TDRD9: variants seen among roughly 807,000 people sequenced by gnomAD.
TDRD9 encodes tudor domain containing 9.
TDRD9 carries 124 observed loss-of-function variants against 172.6 expected under a neutral mutation model. That is an observed-to-expected ratio of 0.72 (90% CI 0.62 to 0.83). The LOEUF (loss-of-function observed/expected upper bound fraction) is 0.83. Among genes scored for constraint, TDRD9 ranks in the 40% least tolerant of loss-of-function variants. TDRD9 has a pLI of 0.00. For synonymous variants in TDRD9, 619 were observed against 617.1 expected (o/e 1.00, Z -0.05); for missense variants, 1,479 against 1,714.1 (o/e 0.86, Z 2.42).
At chr14:104,051,323 G>A (rs773324232) in intron 35 of TDRD9, among the ~76,000 whole-genome samples, 2 of 152,124 alleles carry the variant, frequency 1.3e-5, no homozygotes, top group African/African-American at 4.8e-5. Flanking sequence ...TGGTATGTGT[G>A]TACCACATCT....
intron 30 of TDRD9, among the ~76,000 whole-genome samples, chr14:104,032,308 G>A (rs945559327): frequency 1.3e-5 from 2 of 152,112 alleles, no homozygotes; most frequent in African/African-American, 4.8e-5. Context: ...CCAGATTCAA[G>A]CAATTCTCCT....
In TDRD9 at chr14:103,980,054, T is replaced by A. The variant is rs1248829439; in HGVS notation, c.1011+4501T>A. Among the ~76,000 whole-genome samples the A allele has an allele frequency of 2.6e-5, 4 of 151,948 alleles. No homozygotes were observed. The highest frequency in any genetic ancestry group is 9.7e-5 in the African/African-American group (4 of 41,322). On this transcript the variant is annotated intron_variant, in intron 7 of 35. Transcript: ENST00000409874. This position sits in a 1 kb window ranked among gnomAD's most constrained non-coding sequence, Gnocchi z 4.5. ...CCATGCTTGGCTAATTAAAAAAAAT[T>A]TTTTTGTGGAGATAGGGTCTTGCTA...
Position 103,994,399 on chromosome 14 carries a change from T to C in TDRD9, c.1235+13T>C. The C allele has an allele frequency of 6.2e-7, 1 of 1,612,476 alleles. No homozygotes were observed. Among genetic ancestry groups the C allele is most frequent in the Non-Finnish European group, 8.5e-7 (1 of 1,178,570 alleles). On this transcript the variant is annotated intron_variant, in intron 10 of 35. Coordinates refer to ENST00000409874, the MANE Select transcript of TDRD9 (RefSeq NM_153046.3). ...TGGTTCATAAAAGGTATGTTGAAAA[T>C]GATACAGCTGTATTCTTCTAAGCCA...
At chr14:104,005,253 C>T (rs1352984570) in intron 14 of TDRD9, 21 bp from the exon 15 acceptor site, 2 of 1,612,876 alleles carry the variant, frequency 1.2e-6, no homozygotes, top group African/African-American at 2.7e-5. Context: ...TATTTCTAAT[C>T]TCAGGCTTGT....
chr14:104,021,710 T>TA (rs1452680776), intron 23 of TDRD9, among the ~76,000 whole-genome samples: 2 of 151,924 alleles, frequency 1.3e-5, no homozygotes, highest in Non-Finnish European at 2.9e-5. Flanking sequence ...TAAATAAAAA[T>TA]AAATTTAATG....
At chr14:104,027,032 C>T (rs1423098255) in intron 28 of TDRD9, 93 bp downstream of exon 28, 25 of 1,356,514 alleles carry the variant, frequency 1.8e-5, no homozygotes, top group African/African-American at 7.2e-5. Context: ...TAGGAGGAGG[C>T]GGACAGTGTT....
chr14:103,980,731 C>T lies in TDRD9; in HGVS notation c.1011+5178C>T, dbSNP rs1190989894. ...CTGAGTAGCGGGTGTTTTTCCTTGA[C>T]ACTGACGCTACCACTAGACCACGGC... On this transcript the variant is annotated intron_variant, in intron 7 of 35. Coordinates refer to ENST00000409874, the MANE Select transcript of TDRD9 (RefSeq NM_153046.3). The surrounding 1 kb of genome is among the most constrained non-coding windows in gnomAD (Gnocchi z 4.5). Among the ~76,000 whole-genome samples, 1 of 152,102 alleles carries T rather than the reference C, an allele frequency of 6.6e-6. No individual in the cohort carries two copies. The highest frequency in any genetic ancestry group is 6.5e-5 in the Admixed American group (1 of 15,274).
intron 32 of TDRD9, among the ~76,000 whole-genome samples, chr14:104,035,702 A>G (rs2035430765): frequency 1.3e-5 from 2 of 152,342 alleles, no homozygotes; most frequent in South Asian, 4.1e-4. Context: ...GGGTGGCTAG[A>G]AAAGGAGTAA....
chr14:104,037,167 G>T (rs1426155227), intron 32 of TDRD9, among the ~76,000 whole-genome samples: 2 of 151,894 alleles, frequency 1.3e-5, no homozygotes, highest in Non-Finnish European at 1.5e-5. Context: ...GAGCAGGAGG[G>T]GGGTCTTCAG....
chr14:103,957,094 A>G (rs4906391), intron 2 of TDRD9, among the ~76,000 whole-genome samples: 65,625 of 151,986 alleles, frequency 0.43, 14,397 homozygotes, highest in Admixed American at 0.51. Context: ...GGATTGATTT[A>G]GGCTTCTTGA....
At chr14:103,932,686 C>T (rs544640630) in intron 1 of TDRD9, among the ~76,000 whole-genome samples, 2 of 148,554 alleles carry the variant, frequency 1.3e-5, no homozygotes, top group South Asian at 2.2e-4. Flanking sequence ...TGCGCCCGGC[C>T]GGGAGGGATG....
intron 32 of TDRD9, among the ~76,000 whole-genome samples, chr14:104,036,242 G>A (rs1207381212): frequency 6.6e-6 from 1 of 152,026 alleles, no homozygotes; most frequent in Admixed American, 6.6e-5. Flanking sequence ...CACTGAATGG[G>A]CATATGATGG....
rs754659500 is a variant in TDRD9, at chr14:104,015,961, A to G, written c.2224-20A>G. 88 of 1,531,478 alleles carry G rather than the reference A, an allele frequency of 5.7e-5. No individual in the cohort carries two copies. Among genetic ancestry groups the G allele is most frequent in the Non-Finnish European group, 7.1e-5 (80 of 1,125,846 alleles). 94.9% of individuals were successfully genotyped at this position (1,531,478 alleles called of 1,614,324 possible). A position where few individuals can be genotyped will look rare whatever the true frequency, so the allele number is the denominator to read the frequency against. On this transcript the variant is annotated intron_variant, in intron 21 of 35. Coordinates refer to ENST00000409874, the MANE Select transcript of TDRD9 (RefSeq NM_153046.3). ...GATAAAATAATGCTGTTACTTCATG[A>G]AAATAAATTTCTTTTTCAGGTTGTA...
Position 103,980,187 on chromosome 14 carries a change from A to G in TDRD9, c.1011+4634A>G, listed in dbSNP as rs1479586087. On this transcript the variant is annotated intron_variant, in intron 7 of 35. Transcript: ENST00000409874. The surrounding 1 kb of genome is among the most constrained non-coding windows in gnomAD (Gnocchi z 4.5). ...TGAGAGATTGTAGAAATAAAGACACAAGACAAAGAGATAAAAGAAAAGACA... is the reference window on the plus strand; with the variant it reads ...TGAGAGATTGTAGAAATAAAGACACGAGACAAAGAGATAAAAGAAAAGACA... 6.6e-6 allele frequency among the ~76,000 whole-genome samples: 1 copy of G among 152,104 alleles called. No homozygotes were observed. The highest frequency in any genetic ancestry group is 1.5e-5 in the Non-Finnish European group (1 of 68,030).
At chr14:103,952,222 T>TATA (rs2031957762) in intron 1 of TDRD9, among the ~76,000 whole-genome samples, 1 of 14,392 alleles carries the variant, frequency 6.9e-5, no homozygotes, top group Non-Finnish European at 1.3e-4. Flanking sequence ...ATATATATAT[T>TATA]TTTTTTTTTT....
intron 26 of TDRD9, 71 bp from the exon 27 acceptor site, chr14:104,025,976 G>C: frequency 9.4e-7 from 1 of 1,067,084 alleles, no homozygotes; most frequent in Non-Finnish European, 1.4e-6. Context: ...GCAGACTGCT[G>C]CATTGCTATT....
intron 1 of TDRD9, among the ~76,000 whole-genome samples, chr14:103,948,378 C>A (rs2887388): frequency 6.6e-6 from 1 of 152,040 alleles, no homozygotes; most frequent in Non-Finnish European, 1.5e-5. Flanking sequence ...ATTGGAACCC[C>A]TGTGTACTGT....
chr14:103,955,513 C>T (rs78663513), intron 1 of TDRD9, 151 bp from the exon 2 acceptor site: 14,471 of 521,652 alleles, frequency 0.028, 308 homozygotes, highest in East Asian at 0.061. Flanking sequence ...TTTTAATTTG[C>T]ATCTGCCTGG....
At chr14:104,046,433 G>A (rs1215788517) in intron 34 of TDRD9, among the ~76,000 whole-genome samples, 1 of 151,970 alleles carries the variant, frequency 6.6e-6, no homozygotes, top group Admixed American at 6.6e-5. Context: ...GTCATTTTTT[G>A]CATATGAACA....
Sources: gnomAD v4.1 joint callset for allele counts (sites outside exome capture counted in the v4.1 genomes callset) on GRCh38, gnomAD v4.1.1 for gene constraint, Gnocchi (gnomAD v3.1) non-coding constraint, MANE v1.5 for transcripts, NCBI Gene and HGNC (gene_info 2026-07-23, HGNC 2026-07-21) for gene names.